The following STAG1 variants were observed in gnomAD, a reference collection of about 807,000 sequenced individuals.
STAG1 encodes cohesin subunit SA-1.
A neutral mutation model predicts 170.9 loss-of-function variants in STAG1; 26 were observed. The ratio of observed to expected loss-of-function variants is 0.15; its 90% confidence interval spans 0.11 to 0.21. STAG1 has a LOEUF of 0.21. STAG1 is among the 10% of genes least tolerant of loss of function. STAG1 has a pLI of 1.00. For missense variants in STAG1, 964 were observed against 1,509.5 expected (o/e 0.64, Z 5.99); for synonymous variants, 514 against 497.7 (o/e 1.03, Z -0.44).
chr3:136,580,368 G>C (rs1296736627), intron 4 of STAG1, among the ~76,000 whole-genome samples: 1 of 151,900 alleles, frequency 6.6e-6, no homozygotes, highest in African/African-American at 2.4e-5. Context: ...TAAAAAAACA[G>C]AAAAACTGTG....
intron 12 of STAG1, among the ~76,000 whole-genome samples, chr3:136,468,506 C>T (rs909066418): frequency 6.6e-6 from 1 of 152,078 alleles, no homozygotes; most frequent in African/African-American, 2.4e-5. Context: ...GAAATTGAGA[C>T]AATACTTAAT....
chr3:136,394,811 G>C (rs1410287427), intron 22 of STAG1, among the ~76,000 whole-genome samples: 1 of 151,878 alleles, frequency 6.6e-6, no homozygotes, highest in Non-Finnish European at 1.5e-5. Flanking sequence ...AAATTAGCCA[G>C]GCATGGTGGT....
intron 4 of STAG1, among the ~76,000 whole-genome samples, chr3:136,590,983 G>T (rs1938136602): frequency 6.6e-6 from 1 of 151,232 alleles, no homozygotes; most frequent in South Asian, 2.1e-4. Flanking sequence ...GTTTTGGTTG[G>T]GTGTTGTTTT....
intron 14 of STAG1, among the ~76,000 whole-genome samples, chr3:136,450,071 T>A (rs1464834470): frequency 1.3e-5 from 2 of 152,064 alleles, no homozygotes; most frequent in Non-Finnish European, 2.9e-5. Flanking sequence ...CTAAAAAACC[T>A]AAGGGAGGTA....
At chr3:136,565,757 GT>G (rs1171279818) in intron 5 of STAG1, among the ~76,000 whole-genome samples, 1 of 152,186 alleles carries the variant, frequency 6.6e-6, no homozygotes, top group African/African-American at 2.4e-5. Flanking sequence ...ATTCACAATA[GT>G]CAAAAGGTGG....
chr3:136,703,556 T>C (rs1020095848), intron 1 of STAG1, among the ~76,000 whole-genome samples: 26 of 152,282 alleles, frequency 1.7e-4, no homozygotes, highest in African/African-American at 5.8e-4. Flanking sequence ...CTTTTTTTCT[T>C]TACTGGATTC....
At chr3:136,623,702 T>C (rs1029359127) in intron 2 of STAG1, among the ~76,000 whole-genome samples, 1 of 151,998 alleles carries the variant, frequency 6.6e-6, no homozygotes, top group African/African-American at 2.4e-5. Flanking sequence ...TGCCTATAAA[T>C]CTCAGCACTT....
intron 7 of STAG1, among the ~76,000 whole-genome samples, chr3:136,512,089 T>C (rs1002648784): frequency 2.8e-5 from 1 of 35,432 alleles, no homozygotes; most frequent in African/African-American, 9.2e-5. Context: ...ACCTCTTCTC[T>C]ACAAAATAAA....
chr3:136,746,164 A>G (rs1485009396), intron 1 of STAG1, among the ~76,000 whole-genome samples: 5 of 152,202 alleles, frequency 3.3e-5, no homozygotes, highest in African/African-American at 1.2e-4. Flanking sequence ...TTATGCAAGA[A>G]TATCATTTTA....
intron 1 of STAG1, chr3:136,736,827 T>TC (rs2107946128): frequency 9.0e-6 from 14 of 1,547,386 alleles, no homozygotes; most frequent in Middle Eastern, 2.3e-4. Flanking sequence ...TTTCCTTCCT[T>TC]CTTTGTTTTT....
Position 136,422,983 on chromosome 3 carries a change from A to G in STAG1, c.1712T>C (p.Phe571Ser). 4 of 1,608,512 alleles carry G rather than the reference A, an allele frequency of 2.5e-6. No homozygotes were observed. Among genetic ancestry groups the G allele is most frequent in the Non-Finnish European group, 3.4e-6 (4 of 1,177,430 alleles). ...CAGTAACATAGGAAGTGTAATAATA[A>G]AATGTTCAGTCAATTTGTTTCTATC... ...IDDRNKLTEH[F>S]IITLPMLLSK... Residue 571 changes from phenylalanine to serine, a missense_variant, in exon 17 of 34, where the codon TTT (phenylalanine) becomes TCT (serine). Around this residue, in one of 11 missense-constraint regions of STAG1, gnomAD observed 232 missense variants for 313.0 expected, o/e 0.74. Transcript: ENST00000383202.
chr3:136,439,008 C>CA (rs2088544838), intron 15 of STAG1, among the ~76,000 whole-genome samples: 1 of 151,072 alleles, frequency 6.6e-6, no homozygotes, highest in African/African-American at 2.4e-5. Context: ...ACCAGCCTGG[C>CA]CAACATGGGG....
At chr3:136,672,797 T>G (rs902771771) in intron 1 of STAG1, among the ~76,000 whole-genome samples, 1 of 152,174 alleles carries the variant, frequency 6.6e-6, no homozygotes, top group African/African-American at 2.4e-5. Context: ...GCAGGTAAAG[T>G]TCATATTTTA....
Position 136,486,999 on chromosome 3 carries a change from CAAAAAAAAAAAAAAA to C in STAG1, c.903-9602_903-9588del, listed in dbSNP as rs536392595. 1.4e-3 allele frequency among the ~76,000 whole-genome samples: 76 copies of C among 54,662 alleles called. 1 individual carries two copies. The highest frequency in any genetic ancestry group is 5.1e-3 in the African/African-American group (55 of 10,888). The allele number at this position is 54,662 out of a possible 152,430, so 35.9% of individuals were successfully genotyped here. On this transcript the variant is annotated intron_variant, in intron 9 of 33. Transcript: ENST00000383202. ...CAATGCCGATTTTTTTTTATTTCTT[CAAAAAAAAAAAAAAA>C]AAAAAAAAAAAAAAAAGCAGATACA...
intron 10 of STAG1, among the ~76,000 whole-genome samples, chr3:136,474,995 T>G (rs1166379670): frequency 1.3e-5 from 2 of 152,126 alleles, no homozygotes; most frequent in Non-Finnish European, 2.9e-5. Flanking sequence ...GCCTCCTTGC[T>G]TCTGTACAGG....
intron 1 of STAG1, among the ~76,000 whole-genome samples, chr3:136,674,050 C>T (rs1054320744): frequency 2.1e-5 from 3 of 144,074 alleles, no homozygotes; most frequent in African/African-American, 7.8e-5. Context: ...TTGCAGTAGG[C>T]TGAAATCATA....
At chr3:136,485,283 C>G (rs556225047) in intron 9 of STAG1, among the ~76,000 whole-genome samples, 1 of 152,044 alleles carries the variant, frequency 6.6e-6, no homozygotes, top group East Asian at 1.9e-4. Flanking sequence ...TGGTGAAACA[C>G]CATCTCTACT....
At position 136,439,389 on chromosome 3, in the gene STAG1, GACACACACACAC is replaced by G. The variant is rs753912835; in HGVS notation, c.1546+3886_1546+3897del. Among the ~76,000 whole-genome samples the G allele has an allele frequency of 2.8e-3, 272 of 95,862 alleles. 2 individuals carry two copies. The highest frequency in any genetic ancestry group is 6.2e-3 in the Middle Eastern group (1 of 162). 62.9% of individuals were successfully genotyped at this position (95,862 alleles called of 152,430 possible). On this transcript the variant is annotated intron_variant, in intron 15 of 33. Coordinates refer to ENST00000383202, the MANE Select transcript of STAG1 (RefSeq NM_005862.3). ...TTGATTTTGCTGTAAAACACCCCCC[GACACACACACAC>G]ACACACACACACACACACACACACA...
chr3:136,686,798 T>C (rs369182198), intron 1 of STAG1, among the ~76,000 whole-genome samples: 1 of 152,224 alleles, frequency 6.6e-6, no homozygotes, highest in Non-Finnish European at 1.5e-5. Flanking sequence ...GTGTAGTAAG[T>C]AGAGGCAGCA....
Sources: allele counts gnomAD v4.1 joint callset (sites outside exome capture counted in the v4.1 genomes callset), GRCh38; gene constraint gnomAD v4.1.1; regional missense constraint gnomAD v4.1.1; transcripts MANE v1.5; gene names NCBI Gene and HGNC (gene_info 2026-07-23, HGNC 2026-07-21).